The following DTWD2 variants were observed in gnomAD, a reference collection of about 807,000 sequenced individuals.
The protein encoded by DTWD2 is tRNA-uridine aminocarboxypropyltransferase 2.
Under a neutral mutation model 31.8 loss-of-function variants are expected in DTWD2, and 39 were observed. That is an observed-to-expected ratio of 1.22 (90% CI 0.95 to 1.60). The LOEUF is 1.60. Ranked by LOEUF, DTWD2 falls within the 40% of genes most tolerant of loss-of-function variation. The pLI, the probability that DTWD2 is intolerant of heterozygous loss-of-function variation, is 0.00. For synonymous variants in DTWD2, 180 were observed against 142.8 expected (o/e 1.26, Z -1.86); for missense variants, 515 against 381.5 (o/e 1.35, Z -2.92).
chr5:118,845,900 G>C (rs977424445), intron 5 of DTWD2, among the ~76,000 whole-genome samples: 2 of 152,104 alleles, frequency 1.3e-5, no homozygotes, highest in Non-Finnish European at 2.9e-5. Flanking sequence ...AATCTAGCAA[G>C]ATTCAAGTCA....
intron 4 of DTWD2, among the ~76,000 whole-genome samples, chr5:118,893,493 G>C (rs1241146803): frequency 6.6e-6 from 1 of 151,894 alleles, no homozygotes; most frequent in African/African-American, 2.4e-5. Flanking sequence ...TACCCATAGA[G>C]GATATGTGGA....
intron 4 of DTWD2, among the ~76,000 whole-genome samples, chr5:118,850,886 A>G (rs1300956588): frequency 1.3e-5 from 2 of 152,192 alleles, no homozygotes; most frequent in Non-Finnish European, 2.9e-5. Context: ...AAAAGAGGAC[A>G]TACATGTGGC....
intron 4 of DTWD2, among the ~76,000 whole-genome samples, chr5:118,865,317 G>T (rs1433456270): frequency 6.6e-6 from 1 of 151,902 alleles, no homozygotes; most frequent in African/African-American, 2.4e-5. Flanking sequence ...CAGCATAAAG[G>T]AATAAAGCAC....
intron 5 of DTWD2, among the ~76,000 whole-genome samples, chr5:118,841,759 G>T (rs1290003514): frequency 6.6e-6 from 1 of 150,910 alleles, no homozygotes; most frequent in Non-Finnish European, 1.5e-5. Context: ...TCTACCTGAA[G>T]TTATTCAAAT....
At chr5:118,974,134 A>T in intron 1 of DTWD2, 1 of 1,566,334 alleles carries the variant, frequency 6.4e-7, no homozygotes, top group Non-Finnish European at 8.7e-7. Flanking sequence ...AGACAGCAAA[A>T]AAGGAAAAGT....
chr5:118,892,242 C>T (rs1752991110), intron 4 of DTWD2, among the ~76,000 whole-genome samples: 1 of 152,010 alleles, frequency 6.6e-6, no homozygotes, highest in Non-Finnish European at 1.5e-5. Flanking sequence ...AAAAGTAGTT[C>T]ACATATCTAA....
chr5:118,922,648 A>C (rs1753728687), intron 4 of DTWD2, among the ~76,000 whole-genome samples: 1 of 152,250 alleles, frequency 6.6e-6, no homozygotes. Flanking sequence ...AACATTTATA[A>C]AGAGCACCTT....
chr5:118,899,799 C>CTTTTTTTTT (rs1163738328), intron 4 of DTWD2, among the ~76,000 whole-genome samples: 5 of 124,934 alleles, frequency 4.0e-5, no homozygotes, highest in Admixed American at 8.2e-5. Context: ...TTCGTTTTTT[C>CTTTTTTTTT]TTTTTTTTTT....
intron 1 of DTWD2, among the ~76,000 whole-genome samples, chr5:118,981,862 T>G (rs1056242671): frequency 6.6e-6 from 1 of 152,218 alleles, no homozygotes; most frequent in Non-Finnish European, 1.5e-5. Flanking sequence ...GAAAAGAATC[T>G]TTAGATTAGA....
At chr5:118,851,591 G>T (rs1267557999) in intron 4 of DTWD2, among the ~76,000 whole-genome samples, 3 of 150,268 alleles carry the variant, frequency 2.0e-5, no homozygotes, top group African/African-American at 7.4e-5. Flanking sequence ...GTTCAGCTGT[G>T]CACGTATTGT....
At chr5:118,935,456 G>A (rs1170979170) in intron 3 of DTWD2, among the ~76,000 whole-genome samples, 3 of 152,126 alleles carry the variant, frequency 2.0e-5, no homozygotes, top group African/African-American at 4.8e-5. Context: ...CACGTAGGCA[G>A]GGTCAGAATT....
In DTWD2 at chr5:118,838,417, C is replaced by G. The variant is rs111515980; in HGVS notation, c.*2500G>C. 2 of 152,200 alleles carry G rather than the reference C, an allele frequency of 1.3e-5. No homozygotes were observed. The highest frequency in any genetic ancestry group is 4.8e-5 in the African/African-American group (2 of 41,532). The allele number at this position is 152,200 out of a possible 1,614,324, so 9.4% of individuals were successfully genotyped here. A position where few individuals can be genotyped will look rare whatever the true frequency, so the allele number is the denominator to read the frequency against. ...GAAAAATCAAGCAAATATAAAGAATCTGAATTTAAAAGCCAACTAATACAA... is the reference window on the plus strand; with the variant it reads ...GAAAAATCAAGCAAATATAAAGAATGTGAATTTAAAAGCCAACTAATACAA... On this transcript the variant is annotated 3_prime_UTR_variant, in exon 6 of 6. Coordinates refer to ENST00000510708, the MANE Select transcript of DTWD2 (RefSeq NM_173666.4).
intron 4 of DTWD2, among the ~76,000 whole-genome samples, chr5:118,917,978 C>T (rs1020937434): frequency 2.0e-4 from 30 of 151,384 alleles, no homozygotes; most frequent in African/African-American, 7.0e-4. Flanking sequence ...AAAAACCATC[C>T]AATTTCATGA....
At chr5:118,893,217 A>T (rs1480521736) in intron 4 of DTWD2, among the ~76,000 whole-genome samples, 1 of 151,974 alleles carries the variant, frequency 6.6e-6, no homozygotes, top group Non-Finnish European at 1.5e-5. Flanking sequence ...TCTACTAAAA[A>T]TACAAAAATT....
At chr5:118,907,387 A>G (rs1387878133) in intron 4 of DTWD2, among the ~76,000 whole-genome samples, 1 of 152,188 alleles carries the variant, frequency 6.6e-6, no homozygotes, top group Non-Finnish European at 1.5e-5. Context: ...GAATTGACAC[A>G]TGATTATGGA....
chr5:118,959,646 T>TTGCAATTC (rs1314749855), intron 1 of DTWD2, among the ~76,000 whole-genome samples: 1 of 152,134 alleles, frequency 6.6e-6, no homozygotes, highest in Admixed American at 6.6e-5. Context: ...CAAATAACAA[T>TTGCAATTC]TGCAATTCTA....
chr5:118,884,993 C>G (rs1351301164), intron 4 of DTWD2, among the ~76,000 whole-genome samples: 1 of 100,454 alleles, frequency 1.0e-5, no homozygotes, highest in Non-Finnish European at 1.8e-5. Flanking sequence ...GAGACTCCAT[C>G]TCCAAAAAAA....
intron 4 of DTWD2, among the ~76,000 whole-genome samples, chr5:118,853,648 C>T (rs1056493165): frequency 7.9e-5 from 12 of 151,992 alleles, no homozygotes; most frequent in Non-Finnish European, 1.3e-4. Flanking sequence ...ATACAGAAAA[C>T]GAAAATCAAA....
intron 4 of DTWD2, among the ~76,000 whole-genome samples, chr5:118,916,835 A>G (rs1003412018): frequency 1.4e-4 from 22 of 152,300 alleles, no homozygotes; most frequent in Admixed American, 6.5e-4. Flanking sequence ...AGCCTTTGTC[A>G]CTAACTTGTC....
Sources: allele counts gnomAD v4.1 joint callset (sites outside exome capture counted in the v4.1 genomes callset), GRCh38; gene constraint gnomAD v4.1.1; transcripts MANE v1.5; gene names NCBI Gene and HGNC (gene_info 2026-07-23, HGNC 2026-07-21).